Variants in EDEM3 observed in about 807,000 individuals in gnomAD.
EDEM3 encodes the protein ER degradation enhancing alpha-mannosidase like protein 3, also known as ER degradation-enhancing alpha-mannosidase-like protein 3.
Under a neutral mutation model 110.2 loss-of-function variants are expected in EDEM3, and 60 were observed. That is an observed-to-expected ratio of 0.54 (90% CI 0.44 to 0.67). The LOEUF is 0.67. Ranked by LOEUF, EDEM3 falls within the 30% of genes least tolerant of loss-of-function variation. The pLI is 0.00. For synonymous variants in EDEM3, 352 were observed against 382.9 expected (o/e 0.92, Z 0.94); for missense variants, 996 against 1,121.0 (o/e 0.89, Z 1.59).
Position 184,718,654 on chromosome 1 carries a change from C to T in EDEM3, c.1161+508G>A, listed in dbSNP as rs74341497. Reference sequence around the variant, plus strand: ...ATTAAGCTAGCAAGAATATTTATTACTAATATGATGTATAAAAATCAGGAA... The same window carrying T: ...ATTAAGCTAGCAAGAATATTTATTATTAATATGATGTATAAAAATCAGGAA... On this transcript the variant is annotated intron_variant, in intron 11 of 19. Coordinates refer to ENST00000318130, the MANE Select transcript of EDEM3 (RefSeq NM_025191.4). Among the ~76,000 whole-genome samples the T allele has an allele frequency of 2.9e-3, 434 of 152,120 alleles. 3 individuals are homozygous for T. Among genetic ancestry groups the T allele is most frequent in the African/African-American group, 9.7e-3 (401 of 41,498 alleles).
intron 2 of EDEM3, among the ~76,000 whole-genome samples, chr1:184,745,290 G>A (rs539744982): frequency 6.6e-6 from 1 of 152,076 alleles, no homozygotes; most frequent in South Asian, 2.1e-4. Flanking sequence ...AAGGAACAAT[G>A]ACTCATAGAT....
In EDEM3 at chr1:184,716,930, A is replaced by G. The variant is rs1414923878; in HGVS notation, c.1328T>C (p.Phe443Ser). The change falls in exon 13 of 20, where the codon TTT (phenylalanine) becomes TCT (serine). Residue 443 changes from phenylalanine (F) to serine (S), a missense_variant. Transcript: ENST00000318130. ...AGTACGAACATCCTTCATGGCAGCA[A>G]ATCCGCAAGGCACTCTAGCATATTT... ...LNKYARVPCG[F>S]AAMKDVRTGS... The G allele has an allele frequency of 6.2e-7, 1 of 1,613,328 alleles. No individual in the cohort carries two copies. The highest frequency in any genetic ancestry group is 1.3e-5 in the African/African-American group (1 of 74,912).
At chr1:184,733,046 A>T in intron 5 of EDEM3, 56 bp from the exon 6 acceptor site, 1 of 1,526,292 alleles carries the variant, frequency 6.6e-7, no homozygotes, top group East Asian at 2.3e-5. Flanking sequence ...AAAAGTTACC[A>T]TCTAAAAAGG....
At chr1:184,717,037 T>C in intron 12 of EDEM3, 25 bp from the exon 13 acceptor site, 4 of 1,526,570 alleles carry the variant, frequency 2.6e-6, no homozygotes, top group Non-Finnish European at 3.6e-6. Context: ...AATATATGTA[T>C]AATATATATA....
At chr1:184,751,464 A>C (rs1168691421) in intron 1 of EDEM3, among the ~76,000 whole-genome samples, 1 of 152,234 alleles carries the variant, frequency 6.6e-6, no homozygotes, top group African/African-American at 2.4e-5. Flanking sequence ...TAAGTAAATC[A>C]TGATTGCATA....
intron 19 of EDEM3, among the ~76,000 whole-genome samples, chr1:184,695,873 T>G (rs905020872): frequency 1.3e-5 from 2 of 152,052 alleles, no homozygotes; most frequent in Non-Finnish European, 2.9e-5. Context: ...TGGTGGGTAT[T>G]GCTGGGGCAC....
chr1:184,710,943 A>C (rs1319787309), intron 15 of EDEM3, among the ~76,000 whole-genome samples: 1 of 152,220 alleles, frequency 6.6e-6, no homozygotes, highest in Non-Finnish European at 1.5e-5. Flanking sequence ...AATAATTTTT[A>C]AAAAGTCCTT....
At chr1:184,722,654 C>T (rs1183194806) in intron 8 of EDEM3, among the ~76,000 whole-genome samples, 2 of 151,694 alleles carry the variant, frequency 1.3e-5, no homozygotes, top group African/African-American at 4.8e-5. Flanking sequence ...TTAGATGACA[C>T]AGAAAAATTT....
intron 2 of EDEM3, among the ~76,000 whole-genome samples, chr1:184,742,769 T>A (rs974745105): frequency 6.6e-6 from 1 of 152,238 alleles, no homozygotes; most frequent in African/African-American, 2.4e-5. Context: ...AGAACTGATT[T>A]CCCAGAATGT....
At chr1:184,699,018 G>A (rs147566437) in intron 19 of EDEM3, among the ~76,000 whole-genome samples, 4 of 151,798 alleles carry the variant, frequency 2.6e-5, no homozygotes, top group East Asian at 1.9e-4. Flanking sequence ...GATCAAAGTC[G>A]TAAGAGCATA....
Position 184,706,679 on chromosome 1 carries a change from T to C in EDEM3, c.2167A>G (p.Ile723Val). Reference protein sequence around the residue: ...QCMFAEKARNIQNAGAIGGIV... With the variant: ...QCMFAEKARNVQNAGAIGGIV... The stretch of plus-strand genomic sequence containing the variant: ...CCACCAATGGCTCCAGCATTCTGGA[T>C]GTTGCGTGCCTTTTCTGCAAACATG... The change falls in exon 18 of 20, where the codon ATC (isoleucine) becomes GTC (valine). Residue 723 changes from isoleucine (I) to valine (V), a missense_variant. By Grantham distance (29) the Ile-to-Val change is conservative (BLOSUM62 3). Around this residue, in one of 5 missense-constraint regions of EDEM3, gnomAD observed 345 missense variants for 402.0 expected, o/e 0.86. Coordinates refer to ENST00000318130, the MANE Select transcript of EDEM3 (RefSeq NM_025191.4). 2 of 1,613,476 alleles carry C rather than the reference T, an allele frequency of 1.2e-6. No homozygotes were observed. Among genetic ancestry groups the C allele is most frequent in the East Asian group, 2.2e-5 (1 of 44,866 alleles).
chr1:184,711,594 T>C (rs900761449), intron 15 of EDEM3, 129 bp downstream of exon 15: 4 of 633,946 alleles, frequency 6.3e-6, no homozygotes, highest in African/African-American at 3.8e-5. Flanking sequence ...TAACCAGTGA[T>C]AGCTACATAC....
intron 8 of EDEM3, among the ~76,000 whole-genome samples, chr1:184,721,725 C>T (rs1409077597): frequency 6.6e-6 from 1 of 151,042 alleles, no homozygotes; most frequent in Non-Finnish European, 1.5e-5. Flanking sequence ...GAAAAAAGAA[C>T]CAAAGTCAAG....
chr1:184,733,098 A>C, intron 5 of EDEM3, 108 bp from the exon 6 acceptor site: 2 of 1,154,990 alleles, frequency 1.7e-6, no homozygotes, highest in Non-Finnish European at 2.4e-6. Context: ...TTAAGGAAAG[A>C]CAAAAATTAC....
intron 2 of EDEM3, among the ~76,000 whole-genome samples, chr1:184,738,841 C>T (rs1298905351): frequency 6.6e-6 from 1 of 152,134 alleles, no homozygotes; most frequent in Non-Finnish European, 1.5e-5. Flanking sequence ...ATGTTTGTCA[C>T]ACACAGTAAA....
chr1:184,695,855 G>C (rs1380917859), intron 19 of EDEM3, among the ~76,000 whole-genome samples: 1 of 151,946 alleles, frequency 6.6e-6, no homozygotes. Flanking sequence ...TAGACATGCA[G>C]GAAGGTGTGG....
intron 2 of EDEM3, among the ~76,000 whole-genome samples, chr1:184,739,372 A>G (rs1160035320): frequency 2.7e-5 from 4 of 149,928 alleles, no homozygotes; most frequent in African/African-American, 9.7e-5. Flanking sequence ...AAATTAAATT[A>G]AATTTTAATT....
At chr1:184,719,659 T>G (rs550881322) in intron 9 of EDEM3, 91 bp from the exon 10 acceptor site, 2 of 1,238,192 alleles carry the variant, frequency 1.6e-6, no homozygotes, top group Admixed American at 5.5e-5. Context: ...TAAATTAAAC[T>G]AGAATTTATA....
intron 2 of EDEM3, among the ~76,000 whole-genome samples, chr1:184,748,519 T>C (rs1652570642): frequency 6.6e-6 from 1 of 151,840 alleles, no homozygotes; most frequent in Admixed American, 6.5e-5. Context: ...GAAATAAATT[T>C]GAAACTGTGT....
Sources: allele counts gnomAD v4.1 joint callset (sites outside exome capture counted in the v4.1 genomes callset), GRCh38; gene constraint gnomAD v4.1.1; regional missense constraint gnomAD v4.1.1; transcripts MANE v1.5; gene names NCBI Gene and HGNC (gene_info 2026-07-23, HGNC 2026-07-21).